The following RNMT variants were observed in gnomAD, a reference collection of about 807,000 sequenced individuals.
The protein encoded by RNMT is mRNA cap guanine-N(7) methyltransferase.
In RNMT, 27 loss-of-function variants were observed where a neutral mutation model predicts 56.0. The observed-to-expected ratio is 0.48, with a 90% CI of 0.36 to 0.67. RNMT has a LOEUF of 0.67. RNMT is among the 30% of genes least tolerant of loss of function. RNMT has a pLI of 0.00. For synonymous variants in RNMT, 184 were observed against 176.2 expected, an observed-to-expected ratio of 1.04 and a Z score of -0.35; for missense variants, 519 against 552.1, an observed-to-expected ratio of 0.94 and a Z score of 0.60.
intron 10 of RNMT, among the ~76,000 whole-genome samples, chr18:13,753,557 G>A (rs993358654): frequency 3.3e-5 from 5 of 151,970 alleles, no homozygotes; most frequent in Admixed American, 2.0e-4. Flanking sequence ...GGATCACAAC[G>A]TCAGGAGATT....
At chr18:13,754,752 C>T (rs1252827830) in intron 11 of RNMT, among the ~76,000 whole-genome samples, 3 of 152,156 alleles carry the variant, frequency 2.0e-5, no homozygotes, top group African/African-American at 7.2e-5. Flanking sequence ...CCTCAGATTT[C>T]TACTGGAATT....
chr18:13,759,659 T>G (rs1228092190), intron 11 of RNMT, among the ~76,000 whole-genome samples: 2 of 152,168 alleles, frequency 1.3e-5, no homozygotes, highest in Non-Finnish European at 2.9e-5. Context: ...TTTATTTTTC[T>G]TACCTTAAAC....
rs1213083799 is a variant in RNMT, at chr18:13,761,341, C to G, written c.*1362C>G. ...CATCTGACTCTGGTGGCTGTATTAG[C>G]TAGGAAAGGTTTGTAAATGGTGTCA... On this transcript the variant is annotated 3_prime_UTR_variant, in exon 12 of 12. Coordinates refer to ENST00000383314, the MANE Select transcript of RNMT (RefSeq NM_003799.3). 4 of 985,210 alleles carry G rather than the reference C, an allele frequency of 4.1e-6. No homozygotes were observed. The highest frequency in any genetic ancestry group is 1.7e-5 in the African/African-American group (1 of 57,220). The allele number at this position is 985,210 out of a possible 1,614,324, so 61.0% of individuals were successfully genotyped here. A position where few individuals can be genotyped will look rare whatever the true frequency, so the allele number is the denominator to read the frequency against.
intron 9 of RNMT, among the ~76,000 whole-genome samples, chr18:13,746,925 T>C (rs561324583): frequency 7.2e-5 from 11 of 152,352 alleles, no homozygotes; most frequent in Admixed American, 2.6e-4. Context: ...GTGTTGTTGC[T>C]GAGACCTCTC....
Position 13,762,089 on chromosome 18 carries a change from G to A in RNMT, c.*2110G>A. The stretch of plus-strand genomic sequence containing the variant: ...GGCATGGCTTTCCACCGTCGGGCCA[G>A]GAAGAGCACCTGTTGCTGCAAGCTC... On this transcript the variant is annotated 3_prime_UTR_variant, in exon 12 of 12. Transcript: ENST00000383314. 2 of 1,536,102 alleles carry A rather than the reference G, an allele frequency of 1.3e-6. No individual in the cohort carries two copies. The highest frequency in any genetic ancestry group is 1.4e-5 in the African/African-American group (1 of 73,174).
chr18:13,758,617 G>A (rs993593876), intron 11 of RNMT, among the ~76,000 whole-genome samples: 1 of 152,170 alleles, frequency 6.6e-6, no homozygotes, highest in African/African-American at 2.4e-5. Context: ...GAATGTTGTG[G>A]CTGGTTGATC....
intron 4 of RNMT, among the ~76,000 whole-genome samples, chr18:13,734,995 A>G (rs768774196): frequency 2.0e-5 from 3 of 152,170 alleles, no homozygotes; most frequent in African/African-American, 4.8e-5. Context: ...AAAACATTCA[A>G]CTTTTTTGAG....
In RNMT at chr18:13,744,159, C is replaced by CTTTTTTTTTTTTTTTTTTTTTTTTTT. The variant is rs201093998; in HGVS notation, c.1139+1508_1139+1533dup. On this transcript the variant is annotated intron_variant, in intron 8 of 11. Transcript: ENST00000383314. ...ATGCTAAACAAGACCTAGCGGTCTT[C>CTTTTTTTTTTTTTTTTTTTTTTTTTT]TTTTTTTTTTTTTTTTTTTTTTTTT... Among the ~76,000 whole-genome samples, 19 of 91,422 alleles carry CTTTTTTTTTTTTTTTTTTTTTTTTTT rather than the reference C, an allele frequency of 2.1e-4. 1 individual carries two copies. Among genetic ancestry groups the CTTTTTTTTTTTTTTTTTTTTTTTTTT allele is most frequent in the African/African-American group, 3.7e-4 (7 of 18,914 alleles). 60.0% of individuals were successfully genotyped at this position (91,422 alleles called of 152,430 possible).
At chr18:13,749,027 G>C (rs1344216075) in intron 9 of RNMT, among the ~76,000 whole-genome samples, 3 of 152,092 alleles carry the variant, frequency 2.0e-5, no homozygotes, top group Admixed American at 6.5e-5. Context: ...TGCAGTGAGC[G>C]AAGATCACGC....
rs1381342161 is a variant in RNMT, at chr18:13,762,296, A to G, written c.*2317A>G. 9.5e-7 allele frequency: 1 copy of G among 1,056,670 alleles called. No individual in the cohort carries two copies. The highest frequency in any genetic ancestry group is 1.3e-6 in the Non-Finnish European group (1 of 752,890). The allele number at this position is 1,056,670 out of a possible 1,614,324, so 65.5% of individuals were successfully genotyped here. On this transcript the variant is annotated 3_prime_UTR_variant, in exon 12 of 12. Transcript: ENST00000383314. ...TGATGTTGAATTCTTTGGGCCTAGA[A>G]TATACTTGAGAAAGCACTAGTGGCT...
In RNMT at chr18:13,734,423, G is replaced by C. The variant is rs1046596425; in HGVS notation, c.418-41G>C. The C allele has an allele frequency of 2.5e-6, 4 of 1,573,422 alleles. No homozygotes were observed. The African/African-American group carries it at 5.5e-5, about 22-fold the overall frequency. ...ATGTTCTGAGGCTTATTTTTACCAT[G>C]TTCTGATCCTTGATTTTTTTCTATT... is the stretch of plus-strand genomic sequence containing the variant. On this transcript the variant is annotated intron_variant, in intron 3 of 11. Transcript: ENST00000383314.
chr18:13,735,500 C>CTTTTTTTTT (rs5823269), intron 4 of RNMT, among the ~76,000 whole-genome samples: 3 of 138,264 alleles, frequency 2.2e-5, no homozygotes, highest in Non-Finnish European at 3.1e-5. Context: ...TGAGTGTTCA[C>CTTTTTTTTT]TTTTTTTTTT....
chr18:13,737,328 G>A (rs150586184), intron 5 of RNMT, among the ~76,000 whole-genome samples, 193 bp downstream of exon 5: 7 of 152,168 alleles, frequency 4.6e-5, no homozygotes, highest in African/African-American at 1.7e-4. Context: ...GATCACTTGA[G>A]GTCAGGAGTT....
intron 8 of RNMT, among the ~76,000 whole-genome samples, chr18:13,744,202 T>C (rs982725634): frequency 7.2e-6 from 1 of 138,944 alleles, no homozygotes. Flanking sequence ...AATTGCCTAA[T>C]GATGGTAAAC....
At chr18:13,756,328 A>G (rs1029778974) in intron 11 of RNMT, among the ~76,000 whole-genome samples, 3 of 152,192 alleles carry the variant, frequency 2.0e-5, no homozygotes, top group Non-Finnish European at 2.9e-5. Flanking sequence ...GCTATTATGT[A>G]TTGAAAATCA....
At chr18:13,755,672 G>T (rs558670643) in intron 11 of RNMT, among the ~76,000 whole-genome samples, 1 of 152,318 alleles carries the variant, frequency 6.6e-6, no homozygotes, top group Non-Finnish European at 1.5e-5. Context: ...TCGGACTGGA[G>T]GATGTTATAC....
At chr18:13,746,375 G>T (rs911463730) in intron 9 of RNMT, 38 bp downstream of exon 9, 2 of 1,201,256 alleles carry the variant, frequency 1.7e-6, no homozygotes, top group Admixed American at 2.0e-5. Context: ...TTCAGTCATG[G>T]TGAACTTGTT....
chr18:13,739,169 C>G (rs1318099623), intron 5 of RNMT, among the ~76,000 whole-genome samples: 2 of 152,168 alleles, frequency 1.3e-5, no homozygotes, highest in African/African-American at 4.8e-5. Flanking sequence ...GTGGCCAGTA[C>G]AGCTCAAAAC....
At chr18:13,731,408 C>A (rs879206667) in intron 2 of RNMT, 68 bp from the exon 3 acceptor site, 84 of 645,998 alleles carry the variant, frequency 1.3e-4, no homozygotes, top group African/African-American at 3.4e-4. Context: ...AACTCCGTCT[C>A]AAAAAAAAAA....
Sources: allele counts gnomAD v4.1 joint callset (sites outside exome capture counted in the v4.1 genomes callset), GRCh38; gene constraint gnomAD v4.1.1; transcripts MANE v1.5; gene names NCBI Gene and HGNC (gene_info 2026-07-23, HGNC 2026-07-21).